The following TSGA10 variants were observed in gnomAD, a reference collection of about 807,000 sequenced individuals.
TSGA10 encodes testis-specific gene 10 protein.
In TSGA10, 43 loss-of-function variants were observed where a neutral mutation model predicts 96.6. The ratio of observed to expected loss-of-function variants is 0.44; its 90% CI spans 0.35 to 0.57. The LOEUF (loss-of-function observed/expected upper bound fraction) is 0.57, where lower values mean the gene tolerates loss of function less well. Among genes scored for constraint, TSGA10 ranks in the 20% least tolerant of loss-of-function variants. TSGA10 has a pLI of 0.01. For missense variants in TSGA10, 703 were observed against 834.4 expected, an observed-to-expected ratio of 0.84 and a Z score of 1.94; for synonymous variants, 229 against 269.9, an observed-to-expected ratio of 0.85 and a Z score of 1.48.
At chr2:99,132,533 TTTTG>T (rs1262543240) in intron 1 of TSGA10, among the ~76,000 whole-genome samples, 1 of 152,170 alleles carries the variant, frequency 6.6e-6, no homozygotes, top group African/African-American at 2.4e-5. Context: ...TAGCGGTCTA[TTTTG>T]TTTATCTATT....
rs1045655757 is a variant in TSGA10, at chr2:99,056,865, A to T, written c.1404+8074T>A. 3.9e-5 allele frequency among the ~76,000 whole-genome samples: 6 copies of T among 151,984 alleles called. 1 individual carries two copies. The highest frequency in any genetic ancestry group is 2.1e-4 in the South Asian group (1 of 4,832). On this transcript the variant is annotated intron_variant, in intron 16 of 20. Transcript: ENST00000393483. ...AAAGCCAAATCCAGCAACATAAAAA[A>T]TAATTACATACCATGACCAAGTGGG...
intron 4 of TSGA10, among the ~76,000 whole-genome samples, chr2:99,113,602 G>T (rs1262030811): frequency 6.6e-6 from 1 of 152,202 alleles, no homozygotes; most frequent in Non-Finnish European, 1.5e-5. Flanking sequence ...CTGGAGCGCA[G>T]TGGCGTGATC....
At chr2:99,044,832 C>A (rs1026995238) in intron 16 of TSGA10, among the ~76,000 whole-genome samples, 2 of 152,172 alleles carry the variant, frequency 1.3e-5, no homozygotes, top group African/African-American at 4.8e-5. Context: ...TAAACAGTTT[C>A]TCAGACCACA....
chr2:99,020,267 C>T lies in TSGA10; in HGVS notation c.1817+13G>A, dbSNP rs377516279. The T allele has an allele frequency of 6.3e-4, 1,013 of 1,609,270 alleles. 1 individual carries two copies. Among genetic ancestry groups the T allele is most frequent in the Non-Finnish European group, 8.3e-4 (972 of 1,176,422 alleles). ...AGATGTATGACTTTACTTTATATTG[C>T]TAAACAACTCACATTTTATTTTCTG... On this transcript the variant is annotated intron_variant, in intron 18 of 20. Coordinates refer to ENST00000393483, the MANE Select transcript of TSGA10 (RefSeq NM_025244.4).
At position 99,128,212 on chromosome 2, in the gene TSGA10, A is replaced by G. The variant is rs1277480219; in HGVS notation, c.-620-1036T>C. 2.6e-5 allele frequency among the ~76,000 whole-genome samples: 4 copies of G among 152,160 alleles called. No homozygotes were observed. In the East Asian group the frequency reaches 5.8e-4, roughly 22 times the overall value. ...GCACTCTGTGTAACCCAGCACTTAG[A>G]CAGGCCGGCAGATTTATTTCCCTTT... On this transcript the variant is annotated intron_variant, in intron 1 of 20. Transcript: ENST00000393483.
At chr2:99,078,530 T>A in intron 12 of TSGA10, 129 bp downstream of exon 12, 1 of 960,114 alleles carries the variant, frequency 1.0e-6, no homozygotes, top group East Asian at 2.7e-5. Flanking sequence ...GATTTTGAAG[T>A]TCCAGCTTCT....
chr2:99,142,693 A>G (rs1470020458), intron 1 of TSGA10, among the ~76,000 whole-genome samples: 2 of 152,230 alleles, frequency 1.3e-5, no homozygotes, highest in African/African-American at 4.8e-5. Context: ...TAAATGCACA[A>G]AATAACAAAC....
At chr2:99,129,496 G>C (rs186832537) in intron 1 of TSGA10, among the ~76,000 whole-genome samples, 1 of 152,274 alleles carries the variant, frequency 6.6e-6, no homozygotes, top group African/African-American at 2.4e-5. Flanking sequence ...AAAATAGCAA[G>C]AGACCACAAG....
At chr2:99,104,284 G>T (rs978507835) in intron 9 of TSGA10, among the ~76,000 whole-genome samples, 166 bp from the exon 10 acceptor site, 1 of 152,190 alleles carries the variant, frequency 6.6e-6, no homozygotes, top group Non-Finnish European at 1.5e-5. Context: ...AAGGTGTTGT[G>T]AAGTAGGACC....
intron 10 of TSGA10, 87 bp downstream of exon 10, chr2:99,103,880 C>T (rs961358711): frequency 1.4e-6 from 2 of 1,465,724 alleles, no homozygotes; most frequent in Non-Finnish European, 1.8e-6. Flanking sequence ...CTGAACTCAA[C>T]AAATAATTTT....
chr2:99,110,897 G>T lies in TSGA10; in HGVS notation c.-121C>A. The T allele has an allele frequency of 1.3e-6, 1 of 767,828 alleles. No homozygotes were observed. Among genetic ancestry groups the T allele is most frequent in the Non-Finnish European group, 1.6e-6 (1 of 633,156 alleles). 47.6% of individuals were successfully genotyped at this position (767,828 alleles called of 1,614,324 possible). A position where few individuals can be genotyped will look rare whatever the true frequency, so the allele number is the denominator to read the frequency against. On this transcript the variant is annotated 5_prime_UTR_variant, in exon 5 of 21. Transcript: ENST00000393483. ...TCTTCCAATACTATAATATTATTTT[G>T]CTGGCAAATGAGATCAATCTGAAGA...
intron 4 of TSGA10, among the ~76,000 whole-genome samples, chr2:99,112,008 TTTC>T (rs2091863450): frequency 6.6e-6 from 1 of 152,182 alleles, no homozygotes; most frequent in Non-Finnish European, 1.5e-5. Context: ...TAGATGTTAT[TTTC>T]TTCATTTACT....
At chr2:99,105,505 C>A in intron 8 of TSGA10, 22 bp downstream of exon 8, 1 of 1,613,706 alleles carries the variant, frequency 6.2e-7, no homozygotes, top group Non-Finnish European at 8.5e-7. Flanking sequence ...CATATATTCA[C>A]GTAAATAAAA....
chr2:99,113,290 G>A (rs2091969789), intron 4 of TSGA10, among the ~76,000 whole-genome samples: 1 of 152,162 alleles, frequency 6.6e-6, no homozygotes, highest in African/African-American at 2.4e-5. Flanking sequence ...TATGGAGGAA[G>A]TGATGAGATA....
intron 1 of TSGA10, chr2:99,141,145 C>A (rs775577190): frequency 1.1e-5 from 14 of 1,271,610 alleles, no homozygotes; most frequent in African/African-American, 4.7e-5. Flanking sequence ...CTCATCCCCG[C>A]GACTGTCAGC....
At chr2:99,150,548 C>T in intron 1 of TSGA10, 1 of 1,608,358 alleles carries the variant, frequency 6.2e-7, no homozygotes, top group Admixed American at 1.7e-5. Flanking sequence ...CACATTTGTT[C>T]AGCTATCCTA....
chr2:99,132,719 T>A (rs547900038), intron 1 of TSGA10, among the ~76,000 whole-genome samples: 1 of 152,344 alleles, frequency 6.6e-6, no homozygotes. Context: ...ATTTTAGATC[T>A]TTCCTGCTGT....
At chr2:99,113,576 CTCTT>C (rs2091992456) in intron 4 of TSGA10, among the ~76,000 whole-genome samples, 1 of 152,134 alleles carries the variant, frequency 6.6e-6, no homozygotes, top group African/African-American at 2.4e-5. Flanking sequence ...GATCGAGTCT[CTCTT>C]TGTCATCCAG....
intron 15 of TSGA10, among the ~76,000 whole-genome samples, chr2:99,068,618 G>A (rs557914021): frequency 2.6e-5 from 4 of 152,216 alleles, no homozygotes; most frequent in African/African-American, 7.2e-5. Context: ...AATTATAAGC[G>A]AGGTCAAATT....
Sources: gnomAD v4.1 joint callset for allele counts (sites outside exome capture counted in the v4.1 genomes callset) on GRCh38, gnomAD v4.1.1 for gene constraint, MANE v1.5 for transcripts, NCBI Gene and HGNC (gene_info 2026-07-23, HGNC 2026-07-21) for gene names.